CCSER1: variants seen among roughly 807,000 people sequenced by gnomAD.
The protein encoded by CCSER1 is serine-rich coiled-coil domain-containing protein 1.
A neutral mutation model predicts 82.0 loss-of-function variants in CCSER1; 41 were observed. That is an observed-to-expected ratio of 0.50 (90% CI 0.39 to 0.65). The LOEUF is 0.65. CCSER1 is among the 30% of genes least tolerant of loss of function. The pLI, the probability that CCSER1 is intolerant of heterozygous loss-of-function variation, is 0.00. For missense variants in CCSER1, 1,119 were observed against 1,064.2 expected (o/e 1.05, Z -0.72); for synonymous variants, 414 against 383.9 (o/e 1.08, Z -0.92).
At chr4:91,100,262 A>C (rs951938131) in intron 10 of CCSER1, among the ~76,000 whole-genome samples, 19 of 152,306 alleles carry the variant, frequency 1.2e-4, no homozygotes, top group African/African-American at 3.4e-4. Context: ...ACAAGACCAT[A>C]ATAATTGTTC....
intron 6 of CCSER1, among the ~76,000 whole-genome samples, chr4:90,694,404 A>C (rs1318394181): frequency 1.3e-5 from 2 of 151,954 alleles, no homozygotes; most frequent in African/African-American, 2.4e-5. Context: ...CGTAGAAGTC[A>C]AGTGGGTAGT....
chr4:90,211,654 G>A (rs1243951350), intron 1 of CCSER1, among the ~76,000 whole-genome samples: 2 of 152,168 alleles, frequency 1.3e-5, no homozygotes, highest in Non-Finnish European at 2.9e-5. Flanking sequence ...AATACAGTCA[G>A]CCACAACAGT....
At chr4:90,344,509 A>C (rs1290841060) in intron 3 of CCSER1, among the ~76,000 whole-genome samples, 2 of 152,114 alleles carry the variant, frequency 1.3e-5, no homozygotes, top group Non-Finnish European at 2.9e-5. Context: ...ATGGGGTTAC[A>C]TACCAATAAA....
chr4:90,989,865 G>T (rs1443368362), intron 9 of CCSER1, among the ~76,000 whole-genome samples: 1 of 151,742 alleles, frequency 6.6e-6, no homozygotes, highest in Non-Finnish European at 1.5e-5. Context: ...AAGAAAGGAA[G>T]AGAGGAAGAG....
intron 7 of CCSER1, among the ~76,000 whole-genome samples, chr4:90,769,107 C>T (rs1018332260): frequency 1.3e-5 from 2 of 152,080 alleles, no homozygotes; most frequent in African/African-American, 4.8e-5. Flanking sequence ...AAGAGCATAC[C>T]CTCTGTGTCC....
intron 4 of CCSER1, among the ~76,000 whole-genome samples, chr4:90,422,539 G>C (rs1756854805): frequency 6.6e-6 from 1 of 152,134 alleles, no homozygotes; most frequent in South Asian, 2.1e-4. Context: ...AGGCTGCTGT[G>C]AGTCATGATT....
intron 3 of CCSER1, among the ~76,000 whole-genome samples, chr4:90,340,850 A>G (rs756455565): frequency 3.9e-5 from 6 of 152,100 alleles, no homozygotes; most frequent in Admixed American, 2.6e-4. Flanking sequence ...GCCCAGTGGC[A>G]TTTGTCAAAA....
intron 5 of CCSER1, among the ~76,000 whole-genome samples, chr4:90,627,156 T>C (rs1723444481): frequency 6.6e-6 from 1 of 152,164 alleles, no homozygotes; most frequent in Non-Finnish European, 1.5e-5. Flanking sequence ...CACAGGACAA[T>C]TGAACCACTG....
At chr4:90,833,332 G>T (rs1761371425) in intron 8 of CCSER1, among the ~76,000 whole-genome samples, 1 of 152,128 alleles carries the variant, frequency 6.6e-6, no homozygotes, top group African/African-American at 2.4e-5. Flanking sequence ...CATCCTAAAT[G>T]CCTCACCTCT....
intron 5 of CCSER1, among the ~76,000 whole-genome samples, chr4:90,520,359 A>G (rs1159254027): frequency 6.6e-6 from 1 of 152,096 alleles, no homozygotes; most frequent in Non-Finnish European, 1.5e-5. Flanking sequence ...TGTATCCATA[A>G]ATTAGTTTTA....
At chr4:90,532,569 T>C (rs1453106240) in intron 5 of CCSER1, among the ~76,000 whole-genome samples, 2 of 152,130 alleles carry the variant, frequency 1.3e-5, no homozygotes, top group Admixed American at 1.3e-4. Context: ...AGGCTTTGCA[T>C]AACATATGGT....
intron 10 of CCSER1, among the ~76,000 whole-genome samples, chr4:91,312,459 A>G (rs1418631011): frequency 6.6e-6 from 1 of 151,882 alleles, no homozygotes; most frequent in Non-Finnish European, 1.5e-5. Context: ...GTTGCTAGGG[A>G]TATACTGGTG....
intron 8 of CCSER1, among the ~76,000 whole-genome samples, chr4:90,853,373 T>C (rs1394629913): frequency 6.6e-6 from 1 of 152,174 alleles, no homozygotes; most frequent in African/African-American, 2.4e-5. Flanking sequence ...AACCAAAGCA[T>C]TGAAGCATTG....
At chr4:90,221,998 C>T (rs756123777) in intron 1 of CCSER1, among the ~76,000 whole-genome samples, 7 of 152,014 alleles carry the variant, frequency 4.6e-5, no homozygotes, top group Non-Finnish European at 5.9e-5. Context: ...CAGAATGACT[C>T]GCATGTTTTC....
intron 9 of CCSER1, among the ~76,000 whole-genome samples, chr4:90,977,624 G>A (rs1158671479): frequency 1.3e-5 from 2 of 151,440 alleles, no homozygotes; most frequent in African/African-American, 4.9e-5. Context: ...TCCATATTTA[G>A]CTCAAAGGAA....
At chr4:90,460,197 T>C (rs956248506) in intron 4 of CCSER1, among the ~76,000 whole-genome samples, 5 of 147,176 alleles carry the variant, frequency 3.4e-5, no homozygotes, top group Non-Finnish European at 3.0e-5. Flanking sequence ...TGGTGGCGCG[T>C]GCCTGTAGTC....
intron 8 of CCSER1, among the ~76,000 whole-genome samples, chr4:90,878,037 C>T (rs1720612254): frequency 6.6e-6 from 1 of 152,104 alleles, no homozygotes; most frequent in African/African-American, 2.4e-5. Context: ...CAGTTGCTGG[C>T]TTTTTGTGTT....
At chr4:90,257,530 C>CAGAT (rs70963062) in intron 1 of CCSER1, among the ~76,000 whole-genome samples, 5,328 of 150,158 alleles carry the variant, frequency 0.035, 142 homozygotes, top group African/African-American at 0.072. Context: ...CAATAGGATA[C>CAGAT]AGATAGATAG....
At chr4:90,909,790 T>TTA (rs1726051712) in intron 8 of CCSER1, among the ~76,000 whole-genome samples, 1 of 152,188 alleles carries the variant, frequency 6.6e-6, no homozygotes. Flanking sequence ...CAAATATATA[T>TTA]TTGTATAATC....
Sources: gnomAD v4.1 joint callset for allele counts (sites outside exome capture counted in the v4.1 genomes callset) on GRCh38, gnomAD v4.1.1 for gene constraint, MANE v1.5 for transcripts, NCBI Gene and HGNC (gene_info 2026-07-23, HGNC 2026-07-21) for gene names.